Variants in AUTS2 observed in about 807,000 individuals in gnomAD.
AUTS2 encodes the protein activator of transcription and developmental regulator AUTS2.
A neutral mutation model predicts 112.4 loss-of-function variants in AUTS2; 17 were observed. That is an observed-to-expected ratio of 0.15 (90% CI 0.10 to 0.23). The LOEUF (loss-of-function observed/expected upper bound fraction) is 0.23. Ranked by LOEUF, AUTS2 falls within the 10% of genes least tolerant of loss-of-function variation. The probability of loss-of-function intolerance (pLI) is 1.00; values close to 1 mark genes in which losing one functional copy is unlikely to be tolerated. For missense variants in AUTS2, 1,510 were observed against 1,701.6 expected (o/e 0.89, Z 1.98); for synonymous variants, 751 against 702.7 (o/e 1.07, Z -1.09).
intron 4 of AUTS2, among the ~76,000 whole-genome samples, chr7:70,393,140 C>T (rs1432376957): frequency 2.0e-5 from 3 of 152,192 alleles, no homozygotes; most frequent in East Asian, 3.9e-4. Flanking sequence ...CTGGGGTGTG[C>T]ATTTGCACAG....
At chr7:70,042,854 A>G (rs1469243106) in intron 2 of AUTS2, among the ~76,000 whole-genome samples, 1 of 152,196 alleles carries the variant, frequency 6.6e-6, no homozygotes, top group East Asian at 1.9e-4. Context: ...AAACCAGCTG[A>G]TAGAAACCTA....
chr7:70,003,083 T>C (rs901659555), intron 2 of AUTS2, among the ~76,000 whole-genome samples: 3 of 148,194 alleles, frequency 2.0e-5, no homozygotes, highest in African/African-American at 7.4e-5. Flanking sequence ...TTGCATATTA[T>C]ACATTTAAAA....
chr7:69,716,244 C>CTGTG (rs146299119), intron 1 of AUTS2, among the ~76,000 whole-genome samples: 5 of 149,466 alleles, frequency 3.3e-5, no homozygotes, highest in Non-Finnish European at 7.5e-5. Context: ...GTGTGTGTGT[C>CTGTG]TGTGTGTGTG....
At chr7:69,834,324 T>A (rs1159313706) in intron 1 of AUTS2, among the ~76,000 whole-genome samples, 1 of 152,202 alleles carries the variant, frequency 6.6e-6, no homozygotes, top group Non-Finnish European at 1.5e-5. Context: ...CAGTTTCATC[T>A]CTTCTATACT....
intron 1 of AUTS2, among the ~76,000 whole-genome samples, chr7:69,745,977 G>A (rs1469862380): frequency 1.3e-5 from 2 of 152,126 alleles, no homozygotes; most frequent in Non-Finnish European, 2.9e-5. Flanking sequence ...GGGCTCAAGT[G>A]ATCCTCCTGC....
intron 10 of AUTS2, among the ~76,000 whole-genome samples, chr7:70,768,339 G>C (rs966808996): frequency 3.3e-5 from 5 of 152,148 alleles, no homozygotes; most frequent in Non-Finnish European, 5.9e-5. Flanking sequence ...TGCAAAGTGA[G>C]ATGTCTGCAA....
At chr7:69,753,152 G>T (rs1787809719) in intron 1 of AUTS2, among the ~76,000 whole-genome samples, 1 of 152,134 alleles carries the variant, frequency 6.6e-6, no homozygotes, top group South Asian at 2.1e-4. Flanking sequence ...AAACTTAAAT[G>T]TGATCATGTA....
At chr7:70,015,311 A>G (rs1000575688) in intron 2 of AUTS2, among the ~76,000 whole-genome samples, 1 of 152,204 alleles carries the variant, frequency 6.6e-6, no homozygotes, top group East Asian at 1.9e-4. Context: ...TAAAGACATA[A>G]TCTCACTTAG....
chr7:69,968,983 C>G (rs986458327), intron 2 of AUTS2, among the ~76,000 whole-genome samples: 1 of 151,886 alleles, frequency 6.6e-6, no homozygotes, highest in Non-Finnish European at 1.5e-5. Context: ...GCATTGTTAA[C>G]TATTAAAGCT....
chr7:70,287,830 T>A (rs1446625363), intron 4 of AUTS2, among the ~76,000 whole-genome samples: 1 of 152,024 alleles, frequency 6.6e-6, no homozygotes, highest in East Asian at 1.9e-4. Flanking sequence ...AAAAAAAATT[T>A]TTTTTTAGCT....
chr7:70,509,179 G>GTGA (rs1799086857), intron 5 of AUTS2, among the ~76,000 whole-genome samples: 1 of 152,218 alleles, frequency 6.6e-6, no homozygotes, highest in Non-Finnish European at 1.5e-5. Context: ...TTGAGTACCT[G>GTGA]TGATGTGCTG....
chr7:70,243,552 G>T (rs557360278), intron 4 of AUTS2, among the ~76,000 whole-genome samples: 1 of 152,144 alleles, frequency 6.6e-6, no homozygotes, highest in South Asian at 2.1e-4. Flanking sequence ...CTTATAACAG[G>T]GTTTTACTCA....
chr7:70,258,624 AC>A (rs1342424518), intron 4 of AUTS2, among the ~76,000 whole-genome samples: 1 of 152,178 alleles, frequency 6.6e-6, no homozygotes, highest in Non-Finnish European at 1.5e-5. Flanking sequence ...CTATCTTACT[AC>A]CCTGAGAGAC....
intron 1 of AUTS2, among the ~76,000 whole-genome samples, chr7:69,622,494 G>A (rs1394780780): frequency 6.6e-6 from 1 of 152,174 alleles, no homozygotes; most frequent in Non-Finnish European, 1.5e-5. Flanking sequence ...TTAGCTGAAT[G>A]AATGACTTTA....
At chr7:70,135,652 T>G (rs1806516840) in intron 4 of AUTS2, among the ~76,000 whole-genome samples, 1 of 152,210 alleles carries the variant, frequency 6.6e-6, no homozygotes, top group South Asian at 2.1e-4. Flanking sequence ...TTCTAGATGT[T>G]GACTTTTTTT....
intron 1 of AUTS2, among the ~76,000 whole-genome samples, chr7:69,803,099 A>C (rs765516648): frequency 6.6e-6 from 1 of 152,206 alleles, no homozygotes; most frequent in African/African-American, 2.4e-5. Flanking sequence ...TTGTTACTGG[A>C]CTGGGTGGTT....
At chr7:70,408,179 GAA>G (rs773854684) in intron 4 of AUTS2, among the ~76,000 whole-genome samples, 7 of 137,066 alleles carry the variant, frequency 5.1e-5, no homozygotes, top group Non-Finnish European at 4.8e-5. Flanking sequence ...AGACCCTGTG[GAA>G]AAAAAAAAAA....
At chr7:70,543,349 A>G (rs1800631440) in intron 5 of AUTS2, among the ~76,000 whole-genome samples, 2 of 151,980 alleles carry the variant, frequency 1.3e-5, no homozygotes, top group Admixed American at 1.3e-4. Context: ...TAAAAATACA[A>G]AAATTAGCCA....
intron 1 of AUTS2, among the ~76,000 whole-genome samples, chr7:69,654,727 T>C (rs1045452731): frequency 1.3e-5 from 2 of 152,154 alleles, no homozygotes; most frequent in African/African-American, 4.8e-5. Context: ...TTGAGATATC[T>C]ACCCTTTTAC....
Sources: gnomAD v4.1 joint callset for allele counts (sites outside exome capture counted in the v4.1 genomes callset) on GRCh38, gnomAD v4.1.1 for gene constraint, MANE v1.5 for transcripts, NCBI Gene and HGNC (gene_info 2026-07-23, HGNC 2026-07-21) for gene names.